Variants in KCNJ6 observed in about 807,000 individuals in gnomAD.
KCNJ6 encodes the protein potassium inwardly rectifying channel subfamily J member 6.
KCNJ6 carries 9 observed loss-of-function variants against 34.2 expected under a neutral mutation model. That is an observed-to-expected ratio of 0.26 (90% CI 0.16 to 0.46). KCNJ6 has a LOEUF of 0.46. Ranked by LOEUF, KCNJ6 falls within the 20% of genes least tolerant of loss-of-function variation. The pLI is 1.00. For synonymous variants in KCNJ6, 196 were observed against 207.1 expected (o/e 0.95, Z 0.46); for missense variants, 236 against 531.3 (o/e 0.44, Z 5.46).
At chr21:37,718,452 G>A (rs528856130) in intron 2 of KCNJ6, among the ~76,000 whole-genome samples, 8 of 152,322 alleles carry the variant, frequency 5.3e-5, no homozygotes, top group Admixed American at 1.3e-4. Flanking sequence ...AAAGAAAGCC[G>A]AAGATGAATG....
At position 37,714,110 on chromosome 21, in the gene KCNJ6, G is replaced by C; in HGVS notation, c.946+101C>G. 1.2e-6 allele frequency: 1 copy of C among 833,292 alleles called. No individual in the cohort carries two copies. Among genetic ancestry groups the C allele is most frequent in the Non-Finnish European group, 2.0e-6 (1 of 511,718 alleles). 51.6% of individuals were successfully genotyped at this position (833,292 alleles called of 1,614,324 possible). ...AGCAAGGGGATGTTGTCAATATTGAGTGAGGTTCAGTATTCTAGATCTTGT... is the reference window on the plus strand; with the variant it reads ...AGCAAGGGGATGTTGTCAATATTGACTGAGGTTCAGTATTCTAGATCTTGT... On this transcript the variant is annotated intron_variant, in intron 3 of 3. Transcript: ENST00000609713. The surrounding 1 kb of genome is among the most constrained non-coding windows in gnomAD (Gnocchi z 5.9).
In KCNJ6 at chr21:37,610,719, A is replaced by G. The variant is rs1484026818; in HGVS notation, c.*14440T>C. ...CTGGAAAATGCCAAAATACTTGGAG[A>G]TTAAACAACACACGTGTAAATATCA... is the stretch of plus-strand genomic sequence containing the variant. On this transcript the variant is annotated 3_prime_UTR_variant, in exon 4 of 4. Transcript: ENST00000609713. The G allele has an allele frequency of 6.6e-6, 1 of 152,062 alleles. No individual in the cohort carries two copies. Among genetic ancestry groups the G allele is most frequent in the Non-Finnish European group, 1.5e-5 (1 of 68,010 alleles). The allele number at this position is 152,062 out of a possible 1,614,324, so 9.4% of individuals were successfully genotyped here. A position where few individuals can be genotyped will look rare whatever the true frequency, so the allele number is the denominator to read the frequency against.
chr21:37,617,124 CTTCCTTCTTTCT>C lies in KCNJ6; in HGVS notation c.*8023_*8034del, dbSNP rs1431824370. On this transcript the variant is annotated 3_prime_UTR_variant, in exon 4 of 4. Transcript: ENST00000609713. ...TCTTTCTTTCTTTCCTTCTTCCTTC[CTTCCTTCTTTCT>C]TTCCTTCCTTCCTTCCTTCTTTCTT... 8.2e-6 allele frequency: 1 copy of C among 121,376 alleles called. No individual in the cohort carries two copies. The highest frequency in any genetic ancestry group is 2.6e-4 in the East Asian group (1 of 3,856). The allele number at this position is 121,376 out of a possible 1,614,324, so 7.5% of individuals were successfully genotyped here.
In KCNJ6 at chr21:37,824,669, CG is replaced by C. The variant is rs2055390288; in HGVS notation, c.25+15988del. ...TGAGATCTGATGGTTTTATAAGTGA[CG>C]GGCTTTCCTGCGCACACTTTCTTTC... On this transcript the variant is annotated intron_variant, in intron 2 of 3. Transcript: ENST00000609713. Among the ~76,000 whole-genome samples, 5 of 152,244 alleles carry C rather than the reference CG, an allele frequency of 3.3e-5. No homozygotes were observed. The South Asian group carries it at 1.0e-3, about 31-fold the overall frequency.
chr21:37,635,779 A>C (rs1305754819), intron 3 of KCNJ6, among the ~76,000 whole-genome samples: 1 of 152,172 alleles, frequency 6.6e-6, no homozygotes, highest in African/African-American at 2.4e-5. Flanking sequence ...AGCCTCCCAA[A>C]GTGTTGGGAT....
chr21:37,881,739 C>T (rs1386107429), intron 1 of KCNJ6, among the ~76,000 whole-genome samples: 1 of 152,114 alleles, frequency 6.6e-6, no homozygotes. Flanking sequence ...CCTTCATTAC[C>T]TTATCTAATC....
chr21:37,773,526 C>A (rs74864066), intron 2 of KCNJ6, among the ~76,000 whole-genome samples: 5 of 152,064 alleles, frequency 3.3e-5, no homozygotes, highest in African/African-American at 1.2e-4. Context: ...CCCCTTTCCT[C>A]CCCAGACAAC....
chr21:37,858,936 T>C (rs538702299), intron 1 of KCNJ6, among the ~76,000 whole-genome samples: 3 of 152,140 alleles, frequency 2.0e-5, no homozygotes, highest in Non-Finnish European at 4.4e-5. Flanking sequence ...AGAATCTCAA[T>C]TTAAACATAC....
intron 1 of KCNJ6, among the ~76,000 whole-genome samples, chr21:37,902,640 T>C (rs1488643023): frequency 6.6e-6 from 1 of 152,194 alleles, no homozygotes; most frequent in African/African-American, 2.4e-5. Context: ...ATGTGTAGTC[T>C]GACCCTCGTT....
chr21:37,633,916 C>T (rs1222913329), intron 3 of KCNJ6, among the ~76,000 whole-genome samples: 3 of 119,550 alleles, frequency 2.5e-5, no homozygotes, highest in East Asian at 5.8e-4. Context: ...CCCAACAAAA[C>T]ATTCTTAAAG....
chr21:37,761,563 TTGTG>T (rs886378343), intron 2 of KCNJ6, among the ~76,000 whole-genome samples: 4 of 150,474 alleles, frequency 2.7e-5, no homozygotes, highest in South Asian at 2.1e-4. Context: ...TGTGTATGTG[TTGTG>T]TGTATGTAGT....
chr21:37,634,769 T>A (rs2054349803), intron 3 of KCNJ6, among the ~76,000 whole-genome samples: 1 of 152,070 alleles, frequency 6.6e-6, no homozygotes, highest in African/African-American at 2.4e-5. Flanking sequence ...TCATTTTTTT[T>A]TTTTTTTCAG....
At chr21:37,643,937 C>A (rs1179620223) in intron 3 of KCNJ6, among the ~76,000 whole-genome samples, 1 of 152,158 alleles carries the variant, frequency 6.6e-6, no homozygotes, top group Non-Finnish European at 1.5e-5. Context: ...AGGTTCATTG[C>A]AGCACTATTC....
chr21:37,764,924 C>T (rs188166664), intron 2 of KCNJ6, among the ~76,000 whole-genome samples: 1 of 152,314 alleles, frequency 6.6e-6, no homozygotes, highest in East Asian at 1.9e-4. Flanking sequence ...TATTTCACTT[C>T]CAAGCCAAAC....
intron 1 of KCNJ6, among the ~76,000 whole-genome samples, chr21:37,845,581 G>A (rs2055502844): frequency 6.6e-6 from 1 of 152,192 alleles, no homozygotes; most frequent in Non-Finnish European, 1.5e-5. Context: ...AGGAACAAAT[G>A]AGACAATGTA....
intron 3 of KCNJ6, among the ~76,000 whole-genome samples, chr21:37,633,539 A>G (rs2054343112): frequency 6.6e-6 from 1 of 152,204 alleles, no homozygotes; most frequent in Admixed American, 6.5e-5. Flanking sequence ...TTATTTGCAG[A>G]TAATATAACT....
intron 1 of KCNJ6, among the ~76,000 whole-genome samples, chr21:37,873,322 A>G (rs1231007576): frequency 6.6e-6 from 1 of 152,210 alleles, no homozygotes; most frequent in Non-Finnish European, 1.5e-5. Flanking sequence ...AAATCCTCAC[A>G]GTGACTCTAT....
chr21:37,744,146 A>G (rs2054954813), intron 2 of KCNJ6, among the ~76,000 whole-genome samples: 1 of 119,372 alleles, frequency 8.4e-6, no homozygotes, highest in Admixed American at 1.1e-4. Flanking sequence ...GGAACATCAC[A>G]CACCGGGGAC....
chr21:37,798,564 G>T (rs181071810), intron 2 of KCNJ6, among the ~76,000 whole-genome samples: 3 of 152,346 alleles, frequency 2.0e-5, no homozygotes, highest in Non-Finnish European at 2.9e-5. Context: ...AATGTGGTCT[G>T]TCCAGGACGG....
Sources: allele counts gnomAD v4.1 joint callset (sites outside exome capture counted in the v4.1 genomes callset), GRCh38; gene constraint gnomAD v4.1.1; non-coding constraint Gnocchi (gnomAD v3.1); transcripts MANE v1.5; gene names NCBI Gene and HGNC (gene_info 2026-07-23, HGNC 2026-07-21).